ANK3: variants seen among roughly 807,000 people sequenced by gnomAD.
ANK3 encodes the protein ankyrin 3, also known as ankyrin-3.
In ANK3, 57 loss-of-function variants were observed where a neutral mutation model predicts 370.9. The ratio of observed to expected loss-of-function variants is 0.15; its 90% CI spans 0.12 to 0.19. The LOEUF is 0.19. ANK3 is among the 10% of genes least tolerant of loss of function. The pLI, the probability that ANK3 is intolerant of heterozygous loss-of-function variation, is 1.00. For missense variants in ANK3, 4,439 were observed against 5,302.1 expected, an observed-to-expected ratio of 0.84 and a Z score of 5.06; for synonymous variants, 1,929 against 1,946.3, an observed-to-expected ratio of 0.99 and a Z score of 0.23.
chr10:60,655,112 C>T (rs922348147), intron 1 of ANK3, among the ~76,000 whole-genome samples: 1 of 151,648 alleles, frequency 6.6e-6, no homozygotes, highest in Non-Finnish European at 1.5e-5. Flanking sequence ...GTACATATTA[C>T]CTGATAATGA....
At chr10:60,130,153 T>G (rs1324816941) in intron 25 of ANK3, among the ~76,000 whole-genome samples, 1 of 152,162 alleles carries the variant, frequency 6.6e-6, no homozygotes, top group Non-Finnish European at 1.5e-5. Flanking sequence ...GGGAATTAAG[T>G]GGATTAGGAC....
intron 7 of ANK3, among the ~76,000 whole-genome samples, chr10:60,238,167 T>C (rs2097363851): frequency 1.3e-5 from 2 of 152,220 alleles, no homozygotes; most frequent in Admixed American, 1.3e-4. Flanking sequence ...ACTCATATTT[T>C]GATTCCTCAG....
chr10:60,192,358 G>A (rs965361018), intron 16 of ANK3, among the ~76,000 whole-genome samples: 9 of 150,498 alleles, frequency 6.0e-5, no homozygotes, highest in Admixed American at 4.7e-4. Flanking sequence ...ATAGCTGAGT[G>A]GACTATTACT....
chr10:60,665,314 A>T (rs1398025736), intron 1 of ANK3, among the ~76,000 whole-genome samples: 1 of 152,224 alleles, frequency 6.6e-6, no homozygotes. Flanking sequence ...GACCAAAAAC[A>T]TCAAAACGCA....
chr10:60,361,713 T>A (rs2058637050), intron 1 of ANK3, among the ~76,000 whole-genome samples: 1 of 152,218 alleles, frequency 6.6e-6, no homozygotes, highest in South Asian at 2.1e-4. Context: ...ATTTACAATA[T>A]ATTCCTAGTT....
At chr10:60,117,919 T>C (rs1223972679) in intron 25 of ANK3, among the ~76,000 whole-genome samples, 2 of 152,146 alleles carry the variant, frequency 1.3e-5, no homozygotes, top group Non-Finnish European at 2.9e-5. Context: ...CAAAATAAAT[T>C]ACAACTGTTT....
chr10:60,386,792 C>T (rs1012813012), intron 1 of ANK3, among the ~76,000 whole-genome samples: 53 of 152,248 alleles, frequency 3.5e-4, no homozygotes, highest in African/African-American at 1.2e-3. Flanking sequence ...GGACCAAATT[C>T]CTTATTTTAT....
chr10:60,129,336 C>A (rs1241595843), intron 25 of ANK3, among the ~76,000 whole-genome samples: 1 of 152,174 alleles, frequency 6.6e-6, no homozygotes, highest in Non-Finnish European at 1.5e-5. Flanking sequence ...TTCCATTGGG[C>A]ACCCCCAGTT....
At chr10:60,057,556 A>G (rs2079454267) in intron 41 of ANK3, among the ~76,000 whole-genome samples, 1 of 152,198 alleles carries the variant, frequency 6.6e-6, no homozygotes, top group East Asian at 1.9e-4. Context: ...ATCCTGTAAC[A>G]TATAGCTTTA....
At chr10:60,040,341 T>C (rs1389846540) in intron 43 of ANK3, among the ~76,000 whole-genome samples, 2 of 152,062 alleles carry the variant, frequency 1.3e-5, no homozygotes, top group Non-Finnish European at 2.9e-5. Flanking sequence ...ACTCTCAATA[T>C]ATTTGCAAAT....
intron 2 of ANK3, among the ~76,000 whole-genome samples, chr10:60,487,755 C>T (rs1347453726): frequency 6.7e-6 from 1 of 149,774 alleles, no homozygotes; most frequent in Non-Finnish European, 1.5e-5. Flanking sequence ...GCTCTTGTTG[C>T]CCAGGTTGGA....
At chr10:60,726,482 A>G (rs2079942618) in intron 1 of ANK3, among the ~76,000 whole-genome samples, 1 of 152,216 alleles carries the variant, frequency 6.6e-6, no homozygotes, top group Admixed American at 6.5e-5. Context: ...CTCTATGTGC[A>G]TTAGTTATAA....
At chr10:60,177,437 C>T (rs998677252) in intron 18 of ANK3, among the ~76,000 whole-genome samples, 3 of 152,052 alleles carry the variant, frequency 2.0e-5, no homozygotes, top group Non-Finnish European at 4.4e-5. Context: ...CAATAGGAAA[C>T]TCATAGTCCT....
chr10:60,492,427 G>C (rs151093795), intron 2 of ANK3, among the ~76,000 whole-genome samples: 2 of 152,086 alleles, frequency 1.3e-5, no homozygotes, highest in African/African-American at 4.8e-5. Flanking sequence ...GCACCGTGGG[G>C]CTGGGCACAG....
At chr10:60,690,561 G>T (rs1386486345) in intron 1 of ANK3, among the ~76,000 whole-genome samples, 1 of 151,776 alleles carries the variant, frequency 6.6e-6, no homozygotes, top group African/African-American at 2.4e-5. Flanking sequence ...ATACTTTTAT[G>T]AAACATAAAT....
chr10:60,579,438 A>G (rs2077723138), intron 2 of ANK3, among the ~76,000 whole-genome samples: 1 of 151,956 alleles, frequency 6.6e-6, no homozygotes, highest in African/African-American at 2.4e-5. Flanking sequence ...GAGTTATTGA[A>G]GTGGGGAGTT....
chr10:60,126,177 T>G (rs2093745176), intron 25 of ANK3, among the ~76,000 whole-genome samples: 1 of 152,152 alleles, frequency 6.6e-6, no homozygotes, highest in Non-Finnish European at 1.5e-5. Context: ...ACTAGTCCCC[T>G]CAGGAACAAA....
intron 2 of ANK3, among the ~76,000 whole-genome samples, chr10:60,439,035 C>G (rs1265857276): frequency 6.6e-6 from 1 of 152,066 alleles, no homozygotes; most frequent in African/African-American, 2.4e-5. Context: ...ATATTTTTTT[C>G]TCATAACATG....
intron 1 of ANK3, among the ~76,000 whole-genome samples, chr10:60,655,781 T>G (rs2078855285): frequency 6.6e-6 from 1 of 152,154 alleles, no homozygotes; most frequent in South Asian, 2.1e-4. Flanking sequence ...GGACTTCCAG[T>G]CCTGCAAGCT....
Sources: gnomAD v4.1 joint callset for allele counts (sites outside exome capture counted in the v4.1 genomes callset) on GRCh38, gnomAD v4.1.1 for gene constraint, MANE v1.5 for transcripts, NCBI Gene and HGNC (gene_info 2026-07-23, HGNC 2026-07-21) for gene names.